PCDHGB2: variants seen among roughly 807,000 people sequenced by gnomAD.
PCDHGB2 encodes protocadherin gamma-B2.
Under a neutral mutation model 59.3 loss-of-function variants are expected in PCDHGB2, and 55 were observed. The ratio of observed to expected loss-of-function variants is 0.93; its 90% confidence interval spans 0.75 to 1.16. The LOEUF is 1.16. Among genes scored for constraint, PCDHGB2 ranks in the 50% most tolerant of loss-of-function variants. The probability of loss-of-function intolerance (pLI) is 0.00; values close to 1 mark genes in which losing one functional copy is unlikely to be tolerated. For synonymous variants in PCDHGB2, 516 were observed against 512.0 expected, an observed-to-expected ratio of 1.01 and a Z score of -0.11; for missense variants, 1,228 against 1,198.5, an observed-to-expected ratio of 1.02 and a Z score of -0.36.
intron 1 of PCDHGB2, chr5:141,413,694 C>T: frequency 6.2e-7 from 1 of 1,613,800 alleles, no homozygotes; most frequent in Non-Finnish European, 8.5e-7. Context: ...CCCTGCAGAG[C>T]TATCAGCTCA....
intron 1 of PCDHGB2, chr5:141,372,158 G>A (rs1466586208): frequency 6.2e-7 from 1 of 1,613,800 alleles, no homozygotes; most frequent in South Asian, 1.1e-5. Flanking sequence ...GCTACCTGGT[G>A]ACCAAGGTGG....
At chr5:141,467,924 G>A (rs2099154404) in intron 1 of PCDHGB2, among the ~76,000 whole-genome samples, 1 of 152,042 alleles carries the variant, frequency 6.6e-6, no homozygotes, top group Non-Finnish European at 1.5e-5. Context: ...CTCCCAAAAT[G>A]CTAGGATTAC....
intron 1 of PCDHGB2, chr5:141,413,070 T>C: frequency 8.4e-7 from 1 of 1,195,132 alleles, no homozygotes; most frequent in African/African-American, 1.5e-5. Context: ...GAATTTAAAG[T>C]GCCCAGGCTA....
At chr5:141,374,087 G>C (rs1358918796) in intron 1 of PCDHGB2, 3 of 1,529,296 alleles carry the variant, frequency 2.0e-6, no homozygotes, top group Non-Finnish European at 2.6e-6. Context: ...GCCAGTAATG[G>C]CGCCTCCGCA....
chr5:141,369,893 A>T (rs956763780), intron 1 of PCDHGB2, among the ~76,000 whole-genome samples: 1 of 152,230 alleles, frequency 6.6e-6, no homozygotes, highest in Non-Finnish European at 1.5e-5. Context: ...AGATATTATT[A>T]TGACCATTTT....
At position 141,432,908 on chromosome 5, in the gene PCDHGB2, C is replaced by A. The variant is rs757934634; in HGVS notation, c.2422-61899C>A. On this transcript the variant is annotated intron_variant, in intron 1 of 3. Coordinates refer to ENST00000522605, the MANE Select transcript of PCDHGB2 (RefSeq NM_018923.3). This position sits in a 1 kb window ranked among gnomAD's most constrained non-coding sequence, Gnocchi z 6.0. ...CATCTTGCTGCTGGCGCTCAGGCTGCGGCGCTGGCACAAGTCACGCCTGCT... is the reference window on the plus strand; with the variant it reads ...CATCTTGCTGCTGGCGCTCAGGCTGAGGCGCTGGCACAAGTCACGCCTGCT... The A allele has an allele frequency of 1.6e-5, 26 of 1,614,168 alleles. No individual in the cohort carries two copies. Among genetic ancestry groups the A allele is most frequent in the Middle Eastern group, 1.7e-4 (1 of 6,060 alleles).
chr5:141,364,220 C>A, intron 1 of PCDHGB2: 2 of 1,327,422 alleles, frequency 1.5e-6, no homozygotes, highest in South Asian at 3.3e-5. Context: ...CTACGAAAAG[C>A]CAACGCTCCA....
chr5:141,474,405 G>C (rs2099348833), intron 1 of PCDHGB2, among the ~76,000 whole-genome samples: 1 of 152,196 alleles, frequency 6.6e-6, no homozygotes, highest in Admixed American at 6.5e-5. Context: ...AAGCTCCCCG[G>C]TGATGCCTAG....
chr5:141,365,527 T>A lies in PCDHGB2; in HGVS notation c.2421+2971T>A, dbSNP rs746233500. 2.5e-6 allele frequency: 4 copies of A among 1,613,866 alleles called. No homozygotes were observed. The Admixed American group carries it at 6.7e-5, about 27-fold the overall frequency. On this transcript the variant is annotated intron_variant, in intron 1 of 3. Coordinates refer to ENST00000522605, the MANE Select transcript of PCDHGB2 (RefSeq NM_018923.3). ...CTTTTAAATTGGAGAAGTCAGTTGA[T>A]AATTACTATCACCTATTAACAACTA...
At position 141,361,542 on chromosome 5, in the gene PCDHGB2, C is replaced by T; in HGVS notation, c.1407C>T (p.Ala469=). The change falls in exon 1 of 4, where the codon GCC becomes GCT. Residue 469 remains alanine, a synonymous_variant. Coordinates refer to ENST00000522605, the MANE Select transcript of PCDHGB2 (RefSeq NM_018923.3). ...VHVAENNPPG[A]SIAQISASDP... ...TGGCAGAGAACAATCCTCCTGGCGCCTCTATCGCTCAAATCAGTGCCTCTG... is the reference window on the plus strand; with the variant it reads ...TGGCAGAGAACAATCCTCCTGGCGCTTCTATCGCTCAAATCAGTGCCTCTG... 5 of 1,614,054 alleles carry T rather than the reference C, an allele frequency of 3.1e-6. No individual in the cohort carries two copies. The highest frequency in any genetic ancestry group is 3.4e-6 in the Non-Finnish European group (4 of 1,179,898).
intron 1 of PCDHGB2, chr5:141,375,494 A>G (rs531964516): frequency 6.2e-7 from 1 of 1,613,834 alleles, no homozygotes; most frequent in Non-Finnish European, 8.5e-7. Flanking sequence ...GGGTGCCTCC[A>G]TCTTCTCTGT....
intron 1 of PCDHGB2, among the ~76,000 whole-genome samples, chr5:141,397,623 T>A (rs2093546552): frequency 6.6e-6 from 1 of 152,242 alleles, no homozygotes; most frequent in South Asian, 2.1e-4. Context: ...TACTTAGTTC[T>A]AGCTAAGAGT....
At chr5:141,387,354 CA>C (rs1037365285) in intron 1 of PCDHGB2, among the ~76,000 whole-genome samples, 7 of 152,004 alleles carry the variant, frequency 4.6e-5, no homozygotes, top group African/African-American at 1.7e-4. Context: ...CGGTTTAGGC[CA>C]AGTCTGTGTT....
In PCDHGB2 at chr5:141,404,546, G is replaced by A. The variant is rs753308273; in HGVS notation, c.2421+41990G>A. 11 of 1,613,800 alleles carry A rather than the reference G, an allele frequency of 6.8e-6. No individual in the cohort carries two copies. In the East Asian group the frequency reaches 2.2e-4, roughly 33 times the overall value. ...GCAGTTTAGAGATTTGCAAATGCAGGTGACGGCAAGTGACAGTGGAAGCCC... is the reference window on the plus strand; with the variant it reads ...GCAGTTTAGAGATTTGCAAATGCAGATGACGGCAAGTGACAGTGGAAGCCC... On this transcript the variant is annotated intron_variant, in intron 1 of 3. Transcript: ENST00000522605.
intron 1 of PCDHGB2, chr5:141,367,051 G>T: frequency 3.1e-6 from 1 of 325,810 alleles, no homozygotes; most frequent in Non-Finnish European, 5.6e-6. Context: ...TAATAGAAAA[G>T]ATGTTTTATT....
chr5:141,385,979 A>T (rs1561609878), intron 1 of PCDHGB2: 1 of 152,222 alleles, frequency 6.6e-6, no homozygotes, highest in South Asian at 2.1e-4. Flanking sequence ...AAAACCAATA[A>T]AATATGTCAA....
rs1221067458 is a variant in PCDHGB2 at position 141,491,658 on chromosome 5, C to T, written c.2422-3149C>T. The T allele has an allele frequency of 3.1e-6, 5 of 1,613,822 alleles. No individual in the cohort carries two copies. The highest frequency in any genetic ancestry group is 2.2e-5 in the South Asian group (2 of 91,088). Reference sequence around the variant, plus strand: ...CCACAGCTCTGGCGCTGGAGCCTGACGCCATCCGGTCCCGCTCTAATACGC... The same window carrying T: ...CCACAGCTCTGGCGCTGGAGCCTGATGCCATCCGGTCCCGCTCTAATACGC... On this transcript the variant is annotated intron_variant, in intron 1 of 3. Coordinates refer to ENST00000522605, the MANE Select transcript of PCDHGB2 (RefSeq NM_018923.3). The surrounding 1 kb of genome is among the most constrained non-coding windows in gnomAD (Gnocchi z 6.9).
chr5:141,407,919 C>A, intron 1 of PCDHGB2: 1 of 472,082 alleles, frequency 2.1e-6, no homozygotes, highest in Non-Finnish European at 3.7e-6. Flanking sequence ...GGCTGCTGTC[C>A]CGCACGGAGC....
chr5:141,395,245 T>G (rs1347101527), intron 1 of PCDHGB2: 1 of 1,571,252 alleles, frequency 6.4e-7, no homozygotes, highest in Admixed American at 1.9e-5. Context: ...CAGGTGAGTT[T>G]AGTTCTTTGC....
Sources: gnomAD v4.1 joint callset for allele counts (sites outside exome capture counted in the v4.1 genomes callset) on GRCh38, gnomAD v4.1.1 for gene constraint, Gnocchi (gnomAD v3.1) non-coding constraint, MANE v1.5 for transcripts, NCBI Gene and HGNC (gene_info 2026-07-23, HGNC 2026-07-21) for gene names.